PRKG1: variants seen among roughly 807,000 people sequenced by gnomAD.
PRKG1 encodes cGMP-dependent protein kinase 1.
In PRKG1, 35 loss-of-function variants were observed where a neutral mutation model predicts 88.1. That is an observed-to-expected ratio of 0.40 (90% CI 0.30 to 0.53). PRKG1 has a LOEUF of 0.53. Ranked by LOEUF, PRKG1 falls within the 20% of genes least tolerant of loss-of-function variation. The probability of loss-of-function intolerance (pLI) is 0.59; values close to 1 mark genes in which losing one functional copy is unlikely to be tolerated. For synonymous variants in PRKG1, 303 were observed against 292.5 expected (o/e 1.04, Z -0.37); for missense variants, 540 against 839.8 (o/e 0.64, Z 4.41).
chr10:51,615,768 C>T (rs1839036218), intron 3 of PRKG1, among the ~76,000 whole-genome samples: 1 of 151,570 alleles, frequency 6.6e-6, no homozygotes, highest in African/African-American at 2.4e-5. Flanking sequence ...TGTATCTCAC[C>T]AAGCTTCTTT....
At chr10:51,270,095 G>A (rs1237617559) in intron 2 of PRKG1, among the ~76,000 whole-genome samples, 1 of 152,080 alleles carries the variant, frequency 6.6e-6, no homozygotes, top group Non-Finnish European at 1.5e-5. Context: ...TTTTTATTCT[G>A]TCCTTGGCAT....
Position 52,161,891 on chromosome 10 carries a change from C to G in PRKG1, c.1004C>G (p.Ser335Cys). ...ACTGTGCTTTTTTCGTCTGACAGCT[C>G]TTTTAAACATTTGATTGGAGGGCTG... ...AVTCLVIDRD[S>C]FKHLIGGLDD... The change falls in exon 9 of 18, where the codon TCT (serine) becomes TGT (cysteine). Residue 335 changes from serine (S) to cysteine (C), a missense_variant and splice_region_variant. By Grantham distance (112) the Ser-to-Cys change is moderately radical. Transcript: ENST00000373980. 1 of 1,612,512 alleles carries G rather than the reference C, an allele frequency of 6.2e-7. No homozygotes were observed. Among genetic ancestry groups the G allele is most frequent in the Non-Finnish European group, 8.5e-7 (1 of 1,179,250 alleles).
chr10:52,053,230 CT>C (rs1172845153), intron 5 of PRKG1, among the ~76,000 whole-genome samples: 3 of 524 alleles, frequency 5.7e-3, no homozygotes, highest in Non-Finnish European at 0.014. Context: ...ATAAGAAATA[CT>C]TTTTTATTTA....
At chr10:52,055,527 A>G (rs900048988) in intron 6 of PRKG1, among the ~76,000 whole-genome samples, 1 of 152,202 alleles carries the variant, frequency 6.6e-6, no homozygotes, top group African/African-American at 2.4e-5. Flanking sequence ...TGAATTGGAA[A>G]ATAGAATTTC....
intron 2 of PRKG1, among the ~76,000 whole-genome samples, chr10:51,360,676 G>A (rs550119041): frequency 5.9e-5 from 9 of 152,016 alleles, no homozygotes; most frequent in African/African-American, 1.9e-4. Context: ...CCACAGGCTT[G>A]TAACGCTTTT....
At chr10:51,757,429 G>T (rs1837899039) in intron 3 of PRKG1, among the ~76,000 whole-genome samples, 1 of 152,112 alleles carries the variant, frequency 6.6e-6, no homozygotes, top group Admixed American at 6.6e-5. Flanking sequence ...TTAAAAAGAA[G>T]TAAGAAATAA....
chr10:52,287,883 A>C (rs74133308), intron 14 of PRKG1, among the ~76,000 whole-genome samples: 2,068 of 152,138 alleles, frequency 0.014, 43 homozygotes, highest in African/African-American at 0.047. Flanking sequence ...TTGCCTCCTT[A>C]GTATGTACAT....
chr10:51,224,681 G>A (rs1037454040), intron 2 of PRKG1, among the ~76,000 whole-genome samples: 12 of 151,988 alleles, frequency 7.9e-5, no homozygotes, highest in East Asian at 5.8e-4. Context: ...CCTACAGAGC[G>A]TCCTATATTT....
intron 1 of PRKG1, among the ~76,000 whole-genome samples, chr10:51,098,004 G>C (rs745674305): frequency 5.3e-5 from 8 of 152,096 alleles, no homozygotes; most frequent in Non-Finnish European, 1.2e-4. Flanking sequence ...ATGGGTTTTT[G>C]GGTCCTCTGA....
Position 50,991,236 on chromosome 10 carries a change from G to A in PRKG1, c.-143G>A, listed in dbSNP as rs555937877. 5.2e-5 allele frequency: 64 copies of A among 1,237,668 alleles called. 2 individuals are homozygous for A. In the Admixed American group the frequency reaches 8.3e-4, roughly 16 times the overall value. 76.7% of individuals were successfully genotyped at this position (1,237,668 alleles called of 1,614,324 possible). ...AGGCTCCCCGCGCCGCATTAGGGGC[G>A]CACTCCGCCGCGCTCGAGTACTTAG... On this transcript the variant is annotated 5_prime_UTR_variant, in exon 1 of 18. Coordinates refer to the PRKG1 transcript ENST00000401604. This position sits in a 1 kb window ranked among gnomAD's most constrained non-coding sequence, Gnocchi z 4.5.
chr10:52,249,358 T>G (rs1210681068), intron 9 of PRKG1, among the ~76,000 whole-genome samples: 1 of 151,752 alleles, frequency 6.6e-6, no homozygotes, highest in Non-Finnish European at 1.5e-5. Flanking sequence ...AACTATAGGT[T>G]TTAACTCTTA....
At chr10:51,525,256 G>A (rs1427550787) in intron 3 of PRKG1, among the ~76,000 whole-genome samples, 2 of 150,642 alleles carry the variant, frequency 1.3e-5, no homozygotes. Flanking sequence ...AAAGAAGAAA[G>A]GGAAGGAAGG....
chr10:51,612,967 C>A (rs1202282902), intron 3 of PRKG1, among the ~76,000 whole-genome samples: 1 of 151,886 alleles, frequency 6.6e-6, no homozygotes, highest in East Asian at 1.9e-4. Flanking sequence ...CTGGTATAAT[C>A]CCACTTGATC....
chr10:51,984,269 G>T (rs143454408), intron 5 of PRKG1, among the ~76,000 whole-genome samples: 1 of 152,132 alleles, frequency 6.6e-6, no homozygotes, highest in South Asian at 2.1e-4. Context: ...TTCAAAATTC[G>T]TGTAATTCAA....
At position 51,778,912 on chromosome 10, in the gene PRKG1, G is replaced by A. The variant is rs187731562; in HGVS notation, c.593-25673G>A. 5.3e-5 allele frequency among the ~76,000 whole-genome samples: 8 copies of A among 152,120 alleles called. No homozygotes were observed. In the East Asian group the frequency reaches 1.5e-3, roughly 29 times the overall value. ...CCAAAAGCTGTTCTACTAGAAATAA[G>A]CTGGTAATCTTTATATAGTTTTTGT... On this transcript the variant is annotated intron_variant, in intron 3 of 17. Transcript: ENST00000373980.
intron 3 of PRKG1, among the ~76,000 whole-genome samples, chr10:51,585,011 A>C (rs1589107326): frequency 6.6e-6 from 1 of 152,138 alleles, no homozygotes; most frequent in Admixed American, 6.6e-5. Context: ...AAGTGATAGA[A>C]TAGGTCTTAT....
At chr10:51,274,714 A>C (rs562746764) in intron 2 of PRKG1, among the ~76,000 whole-genome samples, 28 of 152,330 alleles carry the variant, frequency 1.8e-4, no homozygotes, top group African/African-American at 5.5e-4. Flanking sequence ...CACATCTTAA[A>C]AAGTTAAAAA....
Position 50,991,310 on chromosome 10 carries a change from A to ATCC in PRKG1, c.-69_-68insTCC. ...GCTCTCCGCTGCCGGCTGCCGTCCC[A>ATCC]GCCGCCGCCGCCGCCGCCGCCGCCG... On this transcript the variant is annotated 5_prime_UTR_variant, in exon 1 of 18. Coordinates refer to the PRKG1 transcript ENST00000401604. This position sits in a 1 kb window ranked among gnomAD's most constrained non-coding sequence, Gnocchi z 4.5. The ATCC allele has an allele frequency of 7.2e-7, 1 of 1,396,524 alleles. No homozygotes were observed. The highest frequency in any genetic ancestry group is 9.5e-7 in the Non-Finnish European group (1 of 1,056,666). 86.5% of individuals were successfully genotyped at this position (1,396,524 alleles called of 1,614,324 possible).
At chr10:51,737,999 C>T (rs1018965227) in intron 3 of PRKG1, among the ~76,000 whole-genome samples, 3 of 151,846 alleles carry the variant, frequency 2.0e-5, no homozygotes, top group African/African-American at 4.8e-5. Flanking sequence ...AGGCTGGTCT[C>T]GAACTCCTGA....
Sources: gnomAD v4.1 joint callset for allele counts (sites outside exome capture counted in the v4.1 genomes callset) on GRCh38, gnomAD v4.1.1 for gene constraint, Gnocchi (gnomAD v3.1) non-coding constraint, MANE v1.5 for transcripts, NCBI Gene and HGNC (gene_info 2026-07-23, HGNC 2026-07-21) for gene names.